The following HERC5 variants were observed in gnomAD, a reference collection of about 807,000 sequenced individuals.
HERC5 encodes the protein E3 ISG15--protein ligase HERC5.
HERC5 carries 99 observed loss-of-function variants against 119.6 expected under a neutral mutation model. The observed-to-expected ratio is 0.83, with a 90% CI of 0.70 to 0.98. The LOEUF (loss-of-function observed/expected upper bound fraction) is 0.98. HERC5 is among the 50% of genes least tolerant of loss of function. The pLI, the probability that HERC5 is intolerant of heterozygous loss-of-function variation, is 0.00. For synonymous variants in HERC5, 478 were observed against 445.9 expected (o/e 1.07, Z -0.91); for missense variants, 1,267 against 1,241.3 (o/e 1.02, Z -0.31).
At position 88,457,390 on chromosome 4, in the gene HERC5, G is replaced by C; in HGVS notation, c.121G>C (p.Gly41Arg). Residue 41 changes from glycine to arginine, a missense_variant, in exon 1 of 23, where the codon GGC becomes CGC. Around this residue, in one of 3 missense-constraint regions of HERC5, gnomAD observed 777 missense variants for 758.0 expected, o/e 1.03. Transcript: ENST00000264350. Reference sequence around the variant, plus strand: ...GCTCTGGCTCTTTCCCAGCGCCGCGGGCCTCCACCGCGCGCTGCTCCGGAG... The same window carrying C: ...GCTCTGGCTCTTTCCCAGCGCCGCGCGCCTCCACCGCGCGCTGCTCCGGAG... ...AQLWLFPSAA[G>R]LHRALLRRVE... The C allele has an allele frequency of 7.1e-7, 1 of 1,402,058 alleles. No homozygotes were observed. The highest frequency in any genetic ancestry group is 9.3e-7 in the Non-Finnish European group (1 of 1,079,518). The allele number at this position is 1,402,058 out of a possible 1,614,324, so 86.9% of individuals were successfully genotyped here.
intron 18 of HERC5, among the ~76,000 whole-genome samples, chr4:88,498,156 C>T (rs532023988): frequency 6.6e-6 from 1 of 152,234 alleles, no homozygotes; most frequent in Non-Finnish European, 1.5e-5. Context: ...GGGGTCCAGG[C>T]AGAGAACTGG....
chr4:88,470,783 A>ATT, intron 10 of HERC5, 110 bp downstream of exon 10: 2 of 481,082 alleles, frequency 4.2e-6, no homozygotes, highest in Non-Finnish European at 7.4e-6. Context: ...CTTTTTAAAA[A>ATT]TTTTTTTTAA....
intron 6 of HERC5, among the ~76,000 whole-genome samples, chr4:88,464,862 C>T (rs1204782113): frequency 6.6e-6 from 1 of 152,220 alleles, no homozygotes; most frequent in Non-Finnish European, 1.5e-5. Flanking sequence ...GCTCCGCCTC[C>T]TGGGTTCACA....
In HERC5 at chr4:88,489,305, T is replaced by C. The variant is rs1221707666; in HGVS notation, c.2102T>C (p.Phe701Ser). 1.2e-6 allele frequency: 2 copies of C among 1,613,436 alleles called. No individual in the cohort carries two copies. The highest frequency in any genetic ancestry group is 1.3e-5 in the African/African-American group (1 of 74,918). Residue 701 changes from phenylalanine to serine, a missense_variant, in exon 16 of 23, where the codon TTT becomes TCT. Physicochemically the swap from Phe to Ser is radical, Grantham distance 155. Transcript: ENST00000264350. ...IEDVLNQLSQ[F>S]ENEDLRKELW... The stretch of plus-strand genomic sequence containing the variant: ...GATGTTTTGAATCAGCTAAGTCAAT[T>C]TGAGAATGAAGACCTGAGGAAAGAG...
chr4:88,457,400 G>A lies in HERC5; in HGVS notation c.131G>A (p.Arg44His). ...WLFPSAAGLH[R>H]ALLRRVEVTR... is the part of the protein sequence containing the mutation. ...TTTCCCAGCGCCGCGGGCCTCCACC[G>A]CGCGCTGCTCCGGAGGGTGGAGGTG... The change falls in exon 1 of 23, where the codon CGC becomes CAC. Residue 44 changes from arginine (R) to histidine (H), a missense_variant. By Grantham distance (29) the Arg-to-His change is conservative. This residue lies in a region of HERC5 where 777 missense variants were observed against 758.0 expected (regional missense o/e 1.03). Transcript: ENST00000264350. The A allele has an allele frequency of 7.1e-7, 1 of 1,398,764 alleles. No homozygotes were observed. The highest frequency in any genetic ancestry group is 3.1e-5 in the Admixed American group (1 of 32,686). The allele number at this position is 1,398,764 out of a possible 1,614,324, so 86.6% of individuals were successfully genotyped here. A position where few individuals can be genotyped will look rare whatever the true frequency, so the allele number is the denominator to read the frequency against.
At chr4:88,458,924 G>C (rs1430413379) in intron 1 of HERC5, among the ~76,000 whole-genome samples, 3 of 152,036 alleles carry the variant, frequency 2.0e-5, no homozygotes, top group Non-Finnish European at 2.9e-5. Context: ...GTTTATTACT[G>C]TTATTTGCTT....
intron 18 of HERC5, among the ~76,000 whole-genome samples, 170 bp from the exon 19 acceptor site, chr4:88,499,756 T>C (rs529736558): frequency 6.6e-6 from 1 of 152,340 alleles, no homozygotes; most frequent in East Asian, 1.9e-4. Flanking sequence ...TTGACATGTT[T>C]AGTTGAGGTC....
chr4:88,494,441 A>G, intron 18 of HERC5, 110 bp downstream of exon 18: 2 of 898,230 alleles, frequency 2.2e-6, no homozygotes, highest in South Asian at 3.3e-5. Flanking sequence ...CATTTTAGGT[A>G]CTTTAGACCA....
intron 3 of HERC5, among the ~76,000 whole-genome samples, chr4:88,461,305 A>C (rs1283199216): frequency 6.6e-6 from 1 of 152,234 alleles, no homozygotes; most frequent in Non-Finnish European, 1.5e-5. Flanking sequence ...CCCTGCCTTT[A>C]AGAAGCCCAG....
chr4:88,475,568 C>T (rs1369639410), intron 11 of HERC5, among the ~76,000 whole-genome samples: 1 of 152,078 alleles, frequency 6.6e-6, no homozygotes, highest in African/African-American at 2.4e-5. Flanking sequence ...CTGCCTGCCT[C>T]GGCCTCCCAA....
chr4:88,495,606 A>G lies in HERC5; in HGVS notation c.2444+1275A>G, dbSNP rs147247901. Among the ~76,000 whole-genome samples the G allele has an allele frequency of 4.1e-3, 628 of 152,258 alleles. 6 individuals are homozygous for G. The highest frequency in any genetic ancestry group is 0.014 in the African/African-American group (599 of 41,568). On this transcript the variant is annotated intron_variant, in intron 18 of 22. Coordinates refer to ENST00000264350, the MANE Select transcript of HERC5 (RefSeq NM_016323.4). ...ACAGTAATATGATTCTAGTATTATT[A>G]TCATCCCTCTTTTACAGATTCAGAA...
intron 15 of HERC5, among the ~76,000 whole-genome samples, chr4:88,487,793 G>A (rs777709268): frequency 1.6e-4 from 25 of 152,202 alleles, no homozygotes; most frequent in Non-Finnish European, 3.2e-4. Flanking sequence ...GTAAAATTGG[G>A]CAATTGAAAA....
chr4:88,459,391 C>A lies in HERC5; in HGVS notation c.310C>A (p.Gln104Lys). Residue 104 changes from glutamine to lysine, a missense_variant, in exon 2 of 23, where the codon CAA becomes AAA. Physicochemically the swap from Gln to Lys is moderately conservative, Grantham distance 53 (BLOSUM62 1). Around this residue, in one of 3 missense-constraint regions of HERC5, gnomAD observed 777 missense variants for 758.0 expected, o/e 1.03. Coordinates refer to ENST00000264350, the MANE Select transcript of HERC5 (RefSeq NM_016323.4). The part of the protein sequence containing the change: ...GKNMKIHSVD[Q>K]GAEHMLILSS... The stretch of plus-strand genomic sequence containing the variant: ...AAACATGAAGATACATTCCGTGGAC[C>A]AAGGAGCAGAGCACATGCTGATTCT... 1 of 1,595,456 alleles carries A rather than the reference C, an allele frequency of 6.3e-7. No homozygotes were observed. The highest frequency in any genetic ancestry group is 1.8e-5 in the Admixed American group (1 of 56,508).
intron 10 of HERC5, among the ~76,000 whole-genome samples, chr4:88,471,948 TCCTC>T (rs895192665): frequency 1.2e-4 from 18 of 148,626 alleles, no homozygotes; most frequent in Admixed American, 4.0e-4. Context: ...CTCCCTTCTT[TCCTC>T]CCTCCCTCCC....
At chr4:88,490,201 C>T (rs1021244502) in intron 16 of HERC5, among the ~76,000 whole-genome samples, 2 of 152,044 alleles carry the variant, frequency 1.3e-5, no homozygotes, top group African/African-American at 4.8e-5. Context: ...ACCAGTAGAT[C>T]TTTTGAGTGC....
chr4:88,473,234 C>G (rs1044579324), intron 11 of HERC5: 1 of 151,860 alleles, frequency 6.6e-6, no homozygotes, highest in African/African-American at 2.4e-5. Context: ...ATACTACTTT[C>G]TGTTCTACTC....
intron 20 of HERC5, among the ~76,000 whole-genome samples, chr4:88,503,838 A>G (rs979690046): frequency 3.9e-5 from 6 of 152,126 alleles, no homozygotes; most frequent in Non-Finnish European, 5.9e-5. Context: ...AGGCCGAGGC[A>G]GGCAAATCAC....
rs543383661 is a variant in HERC5 at position 88,500,155 on chromosome 4, A to G, written c.2511+163A>G. 1.4e-3 allele frequency among the ~76,000 whole-genome samples: 215 copies of G among 152,308 alleles called. 1 individual carries two copies. Among genetic ancestry groups the G allele is most frequent in the Admixed American group, 2.5e-3 (39 of 15,298 alleles). ...CTAGGTGCATCAGTTAGATTTTACT[A>G]TGTAACAGCCAACCCTAAAACCTAG... On this transcript the variant is annotated intron_variant, in intron 19 of 22. Coordinates refer to ENST00000264350, the MANE Select transcript of HERC5 (RefSeq NM_016323.4).
Position 88,457,294 on chromosome 4 carries a change from T to A in HERC5, c.25T>A (p.Ser9Thr). The A allele has an allele frequency of 7.4e-7, 1 of 1,358,330 alleles. No homozygotes were observed. The highest frequency in any genetic ancestry group is 9.4e-7 in the Non-Finnish European group (1 of 1,061,622). 84.1% of individuals were successfully genotyped at this position (1,358,330 alleles called of 1,614,324 possible). A position where few individuals can be genotyped will look rare whatever the true frequency, so the allele number is the denominator to read the frequency against. The change falls in exon 1 of 23, where the codon TCG (serine) becomes ACG (threonine). Residue 9 changes from serine to threonine, a missense_variant. Around this residue, in one of 3 missense-constraint regions of HERC5, gnomAD observed 777 missense variants for 758.0 expected, o/e 1.03. Transcript: ENST00000264350. ...GATGGAGCGGAGGTCGCGGAGGAAG[T>A]CGCGGCGCAACGGGCGCTCGACCGC... is the stretch of plus-strand genomic sequence containing the variant. MERRSRRK[S>T]RRNGRSTAGK... is the part of the protein sequence containing the mutation.
Sources: gnomAD v4.1 joint callset for allele counts (sites outside exome capture counted in the v4.1 genomes callset) on GRCh38, gnomAD v4.1.1 for gene constraint, gnomAD v4.1.1 regional missense constraint, MANE v1.5 for transcripts, NCBI Gene and HGNC (gene_info 2026-07-23, HGNC 2026-07-21) for gene names.